Variants in ARRDC2 observed in about 807,000 individuals in gnomAD.
The protein encoded by ARRDC2 is arrestin domain containing 2, also known as arrestin domain-containing protein 2.
Under a neutral mutation model 38.9 loss-of-function variants are expected in ARRDC2, and 39 were observed. That is an observed-to-expected ratio of 1.00 (90% CI 0.78 to 1.31). The LOEUF (loss-of-function observed/expected upper bound fraction) is 1.31, where lower values mean the gene tolerates loss of function less well. ARRDC2 is among the 50% of genes most tolerant of loss of function. The pLI is 0.00. For synonymous variants in ARRDC2, 300 were observed against 261.9 expected (o/e 1.15, Z -1.41); for missense variants, 553 against 588.4 (o/e 0.94, Z 0.62).
chr19:18,003,609 C>T (rs2033219192), upstream of ARRDC2, among the ~76,000 whole-genome samples: 1 of 151,266 alleles, frequency 6.6e-6, no homozygotes, highest in Non-Finnish European at 1.5e-5. Flanking sequence ...TATAGGTGCC[C>T]GCCAACACGC....
chr19:18,009,834 TGCTGCCTCGG>T lies in ARRDC2; in HGVS notation c.647_656del (p.Leu216GlnfsTer83), dbSNP rs1297355188. 6.2e-7 allele frequency: 1 copy of T among 1,612,406 alleles called. No individual in the cohort carries two copies. Among genetic ancestry groups the T allele is most frequent in the Non-Finnish European group, 8.5e-7 (1 of 1,179,874 alleles). On this transcript the variant is annotated frameshift_variant, in exon 5 of 8. Transcript: ENST00000222250. LOFTEE classifies it high-confidence loss of function. Reference sequence around the variant, plus strand: ...ATCGACAACGGCTCCACACGTCCTGTGCTGCCTCGGGCAGCCGTGGTGCAGACACAGACGT... The same window carrying T: ...ATCGACAACGGCTCCACACGTCCTGTGCAGCCGTGGTGCAGACACAGACGT...
intron 2 of ARRDC2, 47 bp from the exon 3 acceptor site, chr19:18,008,924 G>A (rs752562062): frequency 1.2e-6 from 2 of 1,608,320 alleles, no homozygotes; most frequent in East Asian, 4.5e-5. Context: ...CTCCCTGCCT[G>A]CTTGTCTCTG....
intron 1 of ARRDC2, 21 bp from the exon 2 acceptor site, chr19:18,008,690 T>A: frequency 6.2e-7 from 1 of 1,612,264 alleles, no homozygotes; most frequent in South Asian, 1.1e-5. Flanking sequence ...CTCAGTCGCC[T>A]CCTTTTTCTC....
chr19:18,010,505 T>C, intron 6 of ARRDC2, 67 bp from the exon 7 acceptor site: 1 of 1,577,338 alleles, frequency 6.3e-7, no homozygotes, highest in South Asian at 1.1e-5. Context: ...AGCCAGCTCC[T>C]GGCCCCTGGT....
At chr19:18,010,781 T>C in intron 7 of ARRDC2, 52 bp downstream of exon 7, 1 of 1,582,158 alleles carries the variant, frequency 6.3e-7, no homozygotes, top group Non-Finnish European at 8.6e-7. Context: ...CCTGGGAGCC[T>C]TGATGGGGTG....
chr19:18,008,132 C>CCCCCCCCCCAAAAAAAA, upstream of ARRDC2: 7 of 1,268,354 alleles, frequency 5.5e-6, no homozygotes, highest in Non-Finnish European at 7.1e-6. Context: ...CCCCCCCCCG[C>CCCCCCCCCCAAAAAAAA]CCTGCCGTAT....
upstream of ARRDC2, among the ~76,000 whole-genome samples, chr19:18,006,184 G>C (rs2033273964): frequency 2.6e-5 from 4 of 151,184 alleles, no homozygotes; most frequent in South Asian, 8.4e-4. Flanking sequence ...CCCAGACGAT[G>C]GGCGGTCAGG....
intron 1 of ARRDC2, among the ~76,000 whole-genome samples, chr19:18,002,228 C>T (rs528452976): frequency 6.8e-4 from 104 of 152,322 alleles, no homozygotes; most frequent in Middle Eastern, 3.4e-3. Flanking sequence ...GAGTTCTTCC[C>T]TGGGGTAGGG....
chr19:18,003,891 G>A (rs563621669), upstream of ARRDC2, among the ~76,000 whole-genome samples: 5 of 151,856 alleles, frequency 3.3e-5, no homozygotes, highest in South Asian at 2.1e-4. Context: ...TGCCCGCCTC[G>A]GCCTCCCAAA....
upstream of ARRDC2, chr19:18,007,965 A>C (rs2033312957): frequency 2.3e-6 from 1 of 431,856 alleles, no homozygotes; most frequent in Non-Finnish European, 4.0e-6. Context: ...CTGGCAGCCT[A>C]AGGGCTTCAG....
upstream of ARRDC2, chr19:18,007,221 T>G (rs1414093300): frequency 1.3e-5 from 2 of 152,254 alleles, no homozygotes; most frequent in African/African-American, 4.8e-5. Context: ...CGACTTTTCT[T>G]TGGGGAAACT....
At chr19:18,003,367 A>C (rs543766754), upstream of ARRDC2, among the ~76,000 whole-genome samples, 4 of 149,028 alleles carry the variant, frequency 2.7e-5, no homozygotes, top group South Asian at 2.1e-4. Flanking sequence ...CCCATGTTCA[A>C]GTGATTCTGC....
intron 1 of ARRDC2, among the ~76,000 whole-genome samples, chr19:18,002,117 C>T (rs1379154310): frequency 2.0e-5 from 3 of 152,070 alleles, no homozygotes; most frequent in African/African-American, 7.3e-5. Context: ...CCCCAGTGTC[C>T]CCGTTGATCC....
At chr19:18,003,058 CCACTA>C (rs200727390) in intron 1 of ARRDC2, among the ~76,000 whole-genome samples, 8,613 of 152,150 alleles carry the variant, frequency 0.057, 320 homozygotes, top group African/African-American at 0.088. Context: ...TGAGATGGCA[CCACTA>C]CACTCCAGCC....
upstream of ARRDC2, chr19:18,008,115 G>GGGGGCGC: frequency 1.2e-6 from 1 of 810,032 alleles, no homozygotes; most frequent in Non-Finnish European, 1.7e-6. Flanking sequence ...AAGAGACGGT[G>GGGGGCGC]ACCCCACCCC....
upstream of ARRDC2, among the ~76,000 whole-genome samples, chr19:18,006,086 GCTC>G (rs1325121325): frequency 6.6e-6 from 1 of 150,776 alleles, no homozygotes; most frequent in Non-Finnish European, 1.5e-5. Context: ...GGGAAGAGGC[GCTC>G]CTCACTTCCT....
intron 7 of ARRDC2, among the ~76,000 whole-genome samples, chr19:18,011,953 T>TATATATATATATA (rs371727974): frequency 1.6e-5 from 1 of 63,186 alleles, no homozygotes; most frequent in African/African-American, 6.7e-5. Context: ...TATATATATA[T>TATATATATATATA]TTTTTTTTTT....
rs753966941 is a variant in ARRDC2 at position 18,008,553 on chromosome 19, C to A, written c.243C>A (p.Val81=). ...AGAGCTACAGTGAACGCGTGGAGGT[C>A]GTGAGCCACCGCGCCACGCTCCTGG... is the stretch of plus-strand genomic sequence containing the variant. ...YTQSYSERVE[V]VSHRATLLAP... is the part of the protein sequence containing the mutation. The change falls in exon 1 of 8, where the codon GTC becomes GTA. Residue 81 remains valine (V), a synonymous_variant. Transcript: ENST00000222250. The A allele has an allele frequency of 9.6e-6, 15 of 1,568,380 alleles. No homozygotes were observed. The highest frequency in any genetic ancestry group is 1.4e-5 in the African/African-American group (1 of 73,972).
At chr19:18,012,270 T>C (rs2033429998) in intron 7 of ARRDC2, among the ~76,000 whole-genome samples, 1 of 151,794 alleles carries the variant, frequency 6.6e-6, no homozygotes, top group African/African-American at 2.4e-5. Flanking sequence ...TAAAGTATTA[T>C]AGGTAATCTA....
Sources: gnomAD v4.1 joint callset for allele counts (sites outside exome capture counted in the v4.1 genomes callset) on GRCh38, gnomAD v4.1.1 for gene constraint, MANE v1.5 for transcripts, NCBI Gene and HGNC (gene_info 2026-07-23, HGNC 2026-07-21) for gene names.